The following SH3KBP1 variants were observed in gnomAD, a reference collection of about 807,000 sequenced individuals.
SH3KBP1 encodes SH3 domain containing kinase binding protein 1.
A neutral mutation model predicts 50.1 loss-of-function variants in SH3KBP1; 8 were observed. That is an observed-to-expected ratio of 0.16 (90% CI 0.09 to 0.29). The LOEUF (loss-of-function observed/expected upper bound fraction) is 0.29. Among genes scored for constraint, SH3KBP1 ranks in the 10% least tolerant of loss-of-function variants. The pLI is 1.00. For synonymous variants in SH3KBP1, 227 were observed against 218.6 expected, an observed-to-expected ratio of 1.04 and a Z score of -0.34; for missense variants, 377 against 535.2, an observed-to-expected ratio of 0.70 and a Z score of 2.92.
intron 2 of SH3KBP1, among the ~76,000 whole-genome samples, chrX:19,800,052 T>C (rs773910345): frequency 7.9e-4 from 88 of 110,784 alleles, no homozygotes; most frequent in African/African-American, 2.7e-3. Context: ...AAAATGGAGA[T>C]TATTTGAGAC....
intron 4 of SH3KBP1, among the ~76,000 whole-genome samples, chrX:19,700,726 T>C (rs747027854): frequency 1.8e-5 from 2 of 112,581 alleles, no homozygotes; most frequent in South Asian, 7.3e-4. Context: ...ACCTACACTA[T>C]TTTCAATCTC....
intron 1 of SH3KBP1, among the ~76,000 whole-genome samples, chrX:19,874,068 A>AAAAAAAAAAAAT (rs1491537486): frequency 6.7e-4 from 38 of 57,015 alleles, no homozygotes; most frequent in African/African-American, 2.5e-3. Flanking sequence ...AAAAAAAAAA[A>AAAAAAAAAAAAT]ATATATATAT....
At chrX:19,763,009 G>A (rs778338120) in intron 2 of SH3KBP1, among the ~76,000 whole-genome samples, 3 of 111,717 alleles carry the variant, frequency 2.7e-5, no homozygotes, top group African/African-American at 6.5e-5. Flanking sequence ...CTGGTTAAAC[G>A]GGTAACTTAT....
chrX:19,790,730 G>A (rs866754460), intron 2 of SH3KBP1, among the ~76,000 whole-genome samples: 5 of 110,647 alleles, frequency 4.5e-5, no homozygotes, highest in Admixed American at 9.6e-5. Context: ...GGGTAGTAAT[G>A]ACTGTAACAT....
At chrX:19,581,615 A>G (rs996411628) in intron 12 of SH3KBP1, among the ~76,000 whole-genome samples, 3 of 111,454 alleles carry the variant, frequency 2.7e-5, no homozygotes, top group Non-Finnish European at 3.8e-5. Context: ...ATTTCCTGCT[A>G]CATCATAACC....
At chrX:19,687,503 T>C in intron 5 of SH3KBP1, 1 of 592,910 alleles carries the variant, frequency 1.7e-6, no homozygotes, top group Non-Finnish European at 2.8e-6. Context: ...GATCAGAAAT[T>C]CACACAGACA....
At chrX:19,657,256 C>T (rs1246740526) in intron 6 of SH3KBP1, among the ~76,000 whole-genome samples, 4 of 109,659 alleles carry the variant, frequency 3.6e-5, no homozygotes, top group Non-Finnish European at 7.6e-5. Flanking sequence ...TGGTGCACAC[C>T]TGTAGTCCCA....
chrX:19,582,434 C>T lies in SH3KBP1; in HGVS notation c.1298+6209G>A, dbSNP rs772745838. 1.2e-4 allele frequency among the ~76,000 whole-genome samples: 14 copies of T among 112,141 alleles called. No homozygotes were observed. The South Asian group carries it at 5.2e-3, about 41-fold the overall frequency. ...TGGTGGCCGCGTGGGTGATCCATCC[C>T]CAACTCCGGCCCCTCCTTCCTCGGT... On this transcript the variant is annotated intron_variant, in intron 12 of 17. Coordinates refer to ENST00000397821, the MANE Select transcript of SH3KBP1 (RefSeq NM_031892.3).
At chrX:19,601,944 G>A (rs1440301565) in intron 9 of SH3KBP1, among the ~76,000 whole-genome samples, 3 of 111,086 alleles carry the variant, frequency 2.7e-5, no homozygotes, top group Non-Finnish European at 5.7e-5. Context: ...CTCAGCCTCT[G>A]GCCTAGTGGT....
chrX:19,865,686 G>T (rs1010473039), intron 1 of SH3KBP1, among the ~76,000 whole-genome samples: 2 of 111,921 alleles, frequency 1.8e-5, no homozygotes, highest in Admixed American at 9.5e-5. Context: ...CGGTTACCTG[G>T]GAAGCAGCAT....
chrX:19,628,660 T>G (rs1290040457), intron 8 of SH3KBP1, among the ~76,000 whole-genome samples: 1 of 111,285 alleles, frequency 9.0e-6, no homozygotes, highest in Non-Finnish European at 1.9e-5. Context: ...TCCCAGCAGG[T>G]TGTATAAAAA....
intron 2 of SH3KBP1, among the ~76,000 whole-genome samples, chrX:19,824,916 T>A (rs995230564): frequency 8.9e-6 from 1 of 112,301 alleles, no homozygotes; most frequent in African/African-American, 3.2e-5. Flanking sequence ...CTACTTGGAA[T>A]AACATTTCTC....
At chrX:19,590,285 A>G (rs1310611330) in intron 11 of SH3KBP1, among the ~76,000 whole-genome samples, 1 of 111,382 alleles carries the variant, frequency 9.0e-6, no homozygotes, top group Non-Finnish European at 1.9e-5. Flanking sequence ...GCAGCAGGAC[A>G]GGGACAGGAA....
At chrX:19,624,389 A>T (rs2067948230) in intron 8 of SH3KBP1, among the ~76,000 whole-genome samples, 1 of 111,797 alleles carries the variant, frequency 8.9e-6, no homozygotes, top group Non-Finnish European at 1.9e-5. Flanking sequence ...TATGACAATT[A>T]GGTTGAACAA....
At chrX:19,787,337 A>C (rs1246208429) in intron 2 of SH3KBP1, among the ~76,000 whole-genome samples, 1 of 112,369 alleles carries the variant, frequency 8.9e-6, no homozygotes, top group Non-Finnish European at 1.9e-5. Flanking sequence ...AGCAAGGAGA[A>C]CATATTTAAC....
intron 2 of SH3KBP1, among the ~76,000 whole-genome samples, chrX:19,834,428 C>T (rs1300848175): frequency 8.9e-6 from 1 of 112,113 alleles, no homozygotes; most frequent in African/African-American, 3.2e-5. Flanking sequence ...TGAGGACAAC[C>T]CATTCTTCTG....
chrX:19,828,182 G>A (rs11797751), intron 2 of SH3KBP1, among the ~76,000 whole-genome samples: 2 of 110,583 alleles, frequency 1.8e-5, no homozygotes, highest in African/African-American at 6.6e-5. Flanking sequence ...CAAAGGTAAA[G>A]ATTTTATTGT....
intron 5 of SH3KBP1, 42 bp downstream of exon 5, chrX:19,695,570 G>T: frequency 1.7e-6 from 2 of 1,200,593 alleles, no homozygotes; most frequent in Non-Finnish European, 2.3e-6. Flanking sequence ...CAGCCTGCCG[G>T]TCCCCCGCCC....
chrX:19,839,112 A>G (rs1330453410), intron 1 of SH3KBP1, among the ~76,000 whole-genome samples: 1 of 109,254 alleles, frequency 9.2e-6, no homozygotes, highest in Non-Finnish European at 1.9e-5. Context: ...CATCAGGATT[A>G]GCAAGATATT....
Sources: gnomAD v4.1 joint callset for allele counts (sites outside exome capture counted in the v4.1 genomes callset) on GRCh38, gnomAD v4.1.1 for gene constraint, MANE v1.5 for transcripts, NCBI Gene and HGNC (gene_info 2026-07-23, HGNC 2026-07-21) for gene names.